CEP63: variants seen among roughly 807,000 people sequenced by gnomAD.
The protein encoded by CEP63 is centrosomal protein of 63 kDa.
CEP63 carries 84 observed loss-of-function variants against 89.1 expected under a neutral mutation model. That is an observed-to-expected ratio of 0.94 (90% CI 0.79 to 1.13). CEP63 has a LOEUF of 1.13. Among genes scored for constraint, CEP63 ranks in the 50% most tolerant of loss-of-function variants. CEP63 has a pLI of 0.00. For missense variants in CEP63, 838 were observed against 813.3 expected (o/e 1.03, Z -0.37); for synonymous variants, 267 against 272.5 (o/e 0.98, Z 0.20).
the CEP63 span, chr3:134,641,198 C>T: frequency 1.3e-5 from 2 of 152,258 alleles, no homozygotes; most frequent in African/African-American, 4.8e-5. Context: ...AGGCCTTTCT[C>T]ACCTACTCCA....
At chr3:134,778,549 G>T in the CEP63 span, among the ~76,000 whole-genome samples, 2 of 151,800 alleles carry the variant, frequency 1.3e-5, no homozygotes, top group East Asian at 1.9e-4. Flanking sequence ...TTGTTTGTTT[G>T]TTTGTTTGTT....
At chr3:134,494,331 G>T (rs1490632837) in intron 1 of CEP63, among the ~76,000 whole-genome samples, 1 of 151,564 alleles carries the variant, frequency 6.6e-6, no homozygotes, top group Non-Finnish European at 1.5e-5. Flanking sequence ...GGCCAGGCTG[G>T]TCTCAAACTC....
the CEP63 span, among the ~76,000 whole-genome samples, chr3:134,632,041 A>C: frequency 6.6e-6 from 1 of 152,104 alleles, no homozygotes; most frequent in African/African-American, 2.4e-5. Context: ...AATATCAGGG[A>C]TAGAGGAATA....
the CEP63 span, among the ~76,000 whole-genome samples, chr3:134,736,128 C>A: frequency 6.6e-6 from 1 of 152,034 alleles, no homozygotes; most frequent in Non-Finnish European, 1.5e-5. Context: ...TTATGAAATT[C>A]ACTACACTCA....
the CEP63 span, among the ~76,000 whole-genome samples, chr3:134,732,826 C>T: frequency 6.6e-6 from 1 of 152,016 alleles, no homozygotes; most frequent in Non-Finnish European, 1.5e-5. Context: ...TGTGAAGGGC[C>T]TTATATTTTA....
the CEP63 span, chr3:134,607,046 G>A: frequency 3.7e-5 from 36 of 985,034 alleles, no homozygotes; most frequent in Admixed American, 8.0e-4. Context: ...TATAAATTAA[G>A]GAATCTGGTG....
chr3:134,704,900 C>T, the CEP63 span, among the ~76,000 whole-genome samples: 1 of 152,180 alleles, frequency 6.6e-6, no homozygotes, highest in African/African-American at 2.4e-5. Context: ...GAAACTAGAC[C>T]TACAGAAGCA....
the CEP63 span, chr3:134,603,586 G>A: frequency 6.3e-7 from 1 of 1,577,538 alleles, no homozygotes; most frequent in Non-Finnish European, 8.6e-7. Context: ...CCCTCACTGG[G>A]CATTCACTTT....
chr3:134,567,603 C>T (rs1271428542), downstream of CEP63, among the ~76,000 whole-genome samples: 2 of 152,070 alleles, frequency 1.3e-5, no homozygotes, highest in Non-Finnish European at 1.5e-5. Context: ...ACAGGAGTAA[C>T]GGTACCTTTC....
chr3:134,494,404 C>T (rs1353231995), intron 1 of CEP63, among the ~76,000 whole-genome samples: 3 of 152,006 alleles, frequency 2.0e-5, no homozygotes, highest in African/African-American at 7.3e-5. Context: ...CGTGAGCCAC[C>T]GCACCCAACT....
chr3:134,734,183 T>C, the CEP63 span, among the ~76,000 whole-genome samples: 1 of 152,138 alleles, frequency 6.6e-6, no homozygotes, highest in African/African-American at 2.4e-5. Flanking sequence ...ATGTCATGCA[T>C]TGCAGCTTTG....
At chr3:134,696,368 A>G in the CEP63 span, among the ~76,000 whole-genome samples, 4 of 152,238 alleles carry the variant, frequency 2.6e-5, no homozygotes, top group African/African-American at 9.7e-5. Context: ...GGTTAAGGGC[A>G]GCTCCTGCAA....
the CEP63 span, among the ~76,000 whole-genome samples, chr3:134,750,214 G>A: frequency 6.6e-6 from 1 of 152,210 alleles, no homozygotes; most frequent in Non-Finnish European, 1.5e-5. Flanking sequence ...ATCAGGCCAG[G>A]TGTTGAGCAA....
At chr3:134,682,358 G>A in the CEP63 span, among the ~76,000 whole-genome samples, 69,666 of 151,840 alleles carry the variant, frequency 0.46, 16,777 homozygotes, top group East Asian at 0.71. Flanking sequence ...TGTTCACATC[G>A]GTTACCAAGA....
the CEP63 span, among the ~76,000 whole-genome samples, chr3:134,633,442 T>C: frequency 6.6e-6 from 1 of 152,142 alleles, no homozygotes; most frequent in Non-Finnish European, 1.5e-5. Context: ...CAAAGCTGGT[T>C]AAATATTTGG....
intron 6 of CEP63, among the ~76,000 whole-genome samples, chr3:134,540,963 G>A (rs1199907900): frequency 6.6e-6 from 1 of 151,814 alleles, no homozygotes; most frequent in East Asian, 1.9e-4. Flanking sequence ...TGTATTTTCA[G>A]TAGAGACAGG....
the CEP63 span, among the ~76,000 whole-genome samples, chr3:134,745,979 C>T: frequency 1.3e-5 from 2 of 150,834 alleles, no homozygotes; most frequent in African/African-American, 4.9e-5. Context: ...AGTTTTGTTA[C>T]ATATGTATAC....
At chr3:134,680,739 T>C in the CEP63 span, among the ~76,000 whole-genome samples, 1 of 152,230 alleles carries the variant, frequency 6.6e-6, no homozygotes, top group East Asian at 1.9e-4. Flanking sequence ...AGATAGTTCC[T>C]TATCGAGCTA....
intron 11 of CEP63, chr3:134,574,686 C>T: frequency 2.3e-6 from 1 of 435,316 alleles, no homozygotes. Context: ...CGGCTTACTG[C>T]AACCTCCACC....
Sources: gnomAD v4.1 joint callset for allele counts (sites outside exome capture counted in the v4.1 genomes callset) on GRCh38, gnomAD v4.1.1 for gene constraint, MANE v1.5 for transcripts, NCBI Gene and HGNC (gene_info 2026-07-23, HGNC 2026-07-21) for gene names.